Variants in CUL2 observed in about 807,000 individuals in gnomAD.
CUL2 encodes the protein cullin-2.
CUL2 carries 22 observed loss-of-function variants against 110.2 expected under a neutral mutation model. That is an observed-to-expected ratio of 0.20 (90% CI 0.14 to 0.28). The LOEUF (loss-of-function observed/expected upper bound fraction) is 0.28, where lower values mean the gene tolerates loss of function less well. Among genes scored for constraint, CUL2 ranks in the 10% least tolerant of loss-of-function variants. The pLI is 1.00. For missense variants in CUL2, 631 were observed against 905.5 expected (o/e 0.70, Z 3.89); for synonymous variants, 279 against 293.2 (o/e 0.95, Z 0.49).
chr10:35,013,344 CAAA>C (rs71523352), intron 19 of CUL2, among the ~76,000 whole-genome samples: 2 of 83,684 alleles, frequency 2.4e-5, no homozygotes, highest in Non-Finnish European at 2.3e-5. Flanking sequence ...GACTCCGTCT[CAAA>C]AAAAAAAAAA....
chr10:35,031,164 C>T lies in CUL2; in HGVS notation c.1386+136G>A. On this transcript the variant is annotated intron_variant, in intron 14 of 20. Coordinates refer to ENST00000374749, the MANE Select transcript of CUL2 (RefSeq NM_003591.4). This position sits in a 1 kb window ranked among gnomAD's most constrained non-coding sequence, Gnocchi z 4.4. ...TCCTTTTAATACAGTATTTGTATAT[C>T]CCACTGTGTGACTACACAAATACAC... 1.7e-6 allele frequency: 1 copy of T among 573,040 alleles called. No homozygotes were observed. The highest frequency in any genetic ancestry group is 1.9e-5 in the African/African-American group (1 of 53,624). The allele number at this position is 573,040 out of a possible 1,614,324, so 35.5% of individuals were successfully genotyped here. A position where few individuals can be genotyped will look rare whatever the true frequency, so the allele number is the denominator to read the frequency against.
intron 1 of CUL2, among the ~76,000 whole-genome samples, chr10:35,120,810 T>C (rs940103855): frequency 1.2e-4 from 18 of 151,900 alleles, no homozygotes; most frequent in African/African-American, 4.4e-4. Context: ...GTGGGAGGAC[T>C]GCTTGAGCCC....
chr10:35,105,986 T>A (rs2087450398), intron 1 of CUL2, among the ~76,000 whole-genome samples: 1 of 152,040 alleles, frequency 6.6e-6, no homozygotes, highest in Non-Finnish European at 1.5e-5. Context: ...CAGATAAAAA[T>A]TTAGAGGGTT....
intron 8 of CUL2, among the ~76,000 whole-genome samples, chr10:35,042,583 C>G (rs545785199): frequency 6.6e-6 from 1 of 152,118 alleles, no homozygotes; most frequent in Non-Finnish European, 1.5e-5. Flanking sequence ...CCACCCTGTA[C>G]GCTGGGGGAA....
At chr10:35,069,743 C>T (rs940435908) in intron 2 of CUL2, among the ~76,000 whole-genome samples, 1 of 152,044 alleles carries the variant, frequency 6.6e-6, no homozygotes, top group African/African-American at 2.4e-5. Flanking sequence ...TTCTTTACCT[C>T]CTGTTCATTT....
At chr10:35,116,060 G>C (rs531412111) in intron 1 of CUL2, among the ~76,000 whole-genome samples, 1 of 151,776 alleles carries the variant, frequency 6.6e-6, no homozygotes, top group South Asian at 2.1e-4. Flanking sequence ...AAAATATTAT[G>C]GGCCGGGCAC....
intron 1 of CUL2, among the ~76,000 whole-genome samples, chr10:35,119,560 T>TTTTTTTTA (rs1336276017): frequency 6.4e-5 from 9 of 140,692 alleles, no homozygotes; most frequent in Admixed American, 2.2e-4. Context: ...TTAAAATTAA[T>TTTTTTTTA]TTTATTTATT....
At chr10:35,089,584 G>T (rs768605353) in intron 1 of CUL2, among the ~76,000 whole-genome samples, 89 of 152,286 alleles carry the variant, frequency 5.8e-4, no homozygotes, top group Non-Finnish European at 1.1e-3. Flanking sequence ...ATAACAGTCT[G>T]CAATTCACAG....
At position 35,035,303 on chromosome 10, in the gene CUL2, G is replaced by C; in HGVS notation, c.878-7C>G. The C allele has an allele frequency of 6.2e-7, 1 of 1,612,056 alleles. No homozygotes were observed. Among genetic ancestry groups the C allele is most frequent in the Non-Finnish European group, 8.5e-7 (1 of 1,178,978 alleles). ...ACGTACATATTTGCCATGTCTGAGA[G>C]GAAAAAGACATCTGAGGGTTAACTC... On this transcript the variant is annotated splice_polypyrimidine_tract_variant and splice_region_variant and intron_variant, in intron 9 of 20. Coordinates refer to ENST00000374749, the MANE Select transcript of CUL2 (RefSeq NM_003591.4).
intron 17 of CUL2, among the ~76,000 whole-genome samples, chr10:35,017,869 C>G (rs576749989): frequency 2.3e-5 from 3 of 128,438 alleles, no homozygotes; most frequent in Non-Finnish European, 5.1e-5. Context: ...ATGTTCCATA[C>G]GTGTTTAAAA....
chr10:35,054,396 CATACTT>C (rs1396073472), intron 5 of CUL2, 32 bp downstream of exon 5: 11 of 1,146,742 alleles, frequency 9.6e-6, no homozygotes, highest in Non-Finnish European at 1.4e-5. Flanking sequence ...TGTATAAAAA[CATACTT>C]ATGTTTGCTA....
At chr10:35,108,492 T>C (rs771254702) in intron 1 of CUL2, among the ~76,000 whole-genome samples, 4 of 151,444 alleles carry the variant, frequency 2.6e-5, no homozygotes, top group Non-Finnish European at 5.9e-5. Context: ...AAAACACAGT[T>C]ATTTGGACTA....
Position 35,062,237 on chromosome 10 carries a change from T to TA in CUL2, c.222+722dup, listed in dbSNP as rs566278341. On this transcript the variant is annotated intron_variant, in intron 3 of 20. Transcript: ENST00000374749. ...TGCCCCTCTATGTACAGCATACTAA[T>TA]AAAAAAACTGGTCACAGAGACAGCT... 1.8e-4 allele frequency among the ~76,000 whole-genome samples: 27 copies of TA among 152,304 alleles called. No individual in the cohort carries two copies. The South Asian group carries it at 3.7e-3, about 21-fold the overall frequency.
At chr10:35,081,115 T>A (rs1009677122) in intron 1 of CUL2, among the ~76,000 whole-genome samples, 1 of 152,096 alleles carries the variant, frequency 6.6e-6, no homozygotes, top group African/African-American at 2.4e-5. Context: ...TCCCAGCTAC[T>A]CAGGAGGCTA....
At chr10:35,017,070 AT>A (rs748568230) in intron 17 of CUL2, among the ~76,000 whole-genome samples, 32 of 152,190 alleles carry the variant, frequency 2.1e-4, no homozygotes, top group Non-Finnish European at 4.3e-4. Context: ...GCAAAGTGAT[AT>A]CAGCAACAGC....
Position 35,031,567 on chromosome 10 carries a change from T to C in CUL2, c.1223A>G (p.Glu408Gly). 6.2e-7 allele frequency: 1 copy of C among 1,614,136 alleles called. No individual in the cohort carries two copies. Among genetic ancestry groups the C allele is most frequent in the Non-Finnish European group, 8.5e-7 (1 of 1,179,982 alleles). ...CGTGAGCCTGTCTTCCACTTCATTC[T>C]CTGTCATCCCTTTCGCTGACTTCTT... is the stretch of plus-strand genomic sequence containing the variant. ...LLKKSAKGMTENEVEDRLTSF... is the reference protein window; with the variant it reads ...LLKKSAKGMTGNEVEDRLTSF... Residue 408 changes from glutamate to glycine, a missense_variant, in exon 13 of 21, where the codon GAG becomes GGG. By Grantham distance (98) the Glu-to-Gly change is moderately conservative (BLOSUM62 -2). Around this residue, in one of 3 missense-constraint regions of CUL2, gnomAD observed 134 missense variants for 260.4 expected, o/e 0.51. Coordinates refer to ENST00000374749, the MANE Select transcript of CUL2 (RefSeq NM_003591.4). This position sits in a 1 kb window ranked among gnomAD's most constrained non-coding sequence, Gnocchi z 4.4.
At chr10:35,066,823 C>A (rs1238621418) in intron 2 of CUL2, among the ~76,000 whole-genome samples, 1 of 152,124 alleles carries the variant, frequency 6.6e-6, no homozygotes, top group Non-Finnish European at 1.5e-5. Flanking sequence ...CTTTTCCCAT[C>A]TGTAAAATCT....
intron 16 of CUL2, among the ~76,000 whole-genome samples, chr10:35,025,731 C>A (rs954370705): frequency 2.0e-5 from 3 of 152,128 alleles, no homozygotes; most frequent in Non-Finnish European, 4.4e-5. Context: ...AAATTTTAAA[C>A]ATTCCTCCCT....
rs112254130 is a variant in CUL2 at position 35,089,106 on chromosome 10, C to T, written c.-23+1073G>A. Reference sequence around the variant, plus strand: ...AGAAGAATTGCTTGAACCCGGGAGGCGGAGGTTGCAGTGAGCCGAGATCGC... The same window carrying T: ...AGAAGAATTGCTTGAACCCGGGAGGTGGAGGTTGCAGTGAGCCGAGATCGC... On this transcript the variant is annotated intron_variant, in intron 1 of 20. Transcript: ENST00000374749. Among the ~76,000 whole-genome samples, 944 of 152,198 alleles carry T rather than the reference C, an allele frequency of 6.2e-3. 12 individuals carry two copies. Among genetic ancestry groups the T allele is most frequent in the African/African-American group, 0.022 (893 of 41,516 alleles).
Sources: allele counts gnomAD v4.1 joint callset (sites outside exome capture counted in the v4.1 genomes callset), GRCh38; gene constraint gnomAD v4.1.1; regional missense constraint gnomAD v4.1.1; non-coding constraint Gnocchi (gnomAD v3.1); transcripts MANE v1.5; gene names NCBI Gene and HGNC (gene_info 2026-07-23, HGNC 2026-07-21).